Variants in FBN2 observed in about 807,000 individuals in gnomAD.
FBN2 encodes fibrillin-2.
A neutral mutation model predicts 355.6 loss-of-function variants in FBN2; 105 were observed. That is an observed-to-expected ratio of 0.30 (90% CI 0.25 to 0.35). The LOEUF is 0.35. Among genes scored for constraint, FBN2 ranks in the 10% least tolerant of loss-of-function variants. FBN2 has a pLI of 1.00. For synonymous variants in FBN2, 1,350 were observed against 1,301.2 expected (o/e 1.04, Z -0.81); for missense variants, 3,280 against 3,758.7 (o/e 0.87, Z 3.33).
intron 48 of FBN2, among the ~76,000 whole-genome samples, chr5:128,295,142 T>C (rs1749466354): frequency 2.7e-5 from 4 of 147,584 alleles, no homozygotes. Flanking sequence ...GATCAGATAG[T>C]TGTAGATATG....
intron 5 of FBN2, among the ~76,000 whole-genome samples, chr5:128,496,154 A>T (rs1755651211): frequency 6.6e-6 from 1 of 152,138 alleles, no homozygotes; most frequent in East Asian, 1.9e-4. Flanking sequence ...CAAAATAATA[A>T]GAGGAAAGAA....
In FBN2 at chr5:128,536,451, G is replaced by A. The variant is rs1225334344; in HGVS notation, c.288C>T (p.Tyr96=). Residue 96 remains tyrosine (Y), a synonymous_variant, in exon 2 of 65, where the codon TAC becomes TAT. Coordinates refer to ENST00000262464, the MANE Select transcript of FBN2 (RefSeq NM_001999.4). ...PNVCGSRFHS[Y]CCPGWKTLPG... is the part of the protein sequence containing the mutation. ...GGAGCGTCTTCCATCCAGGGCAGCA[G>A]TAGGAGTGGAATCTGGAGCCGCACA... The A allele has an allele frequency of 5.6e-6, 9 of 1,613,308 alleles. No homozygotes were observed. The highest frequency in any genetic ancestry group is 2.7e-5 in the African/African-American group (2 of 74,940).
chr5:128,494,994 G>T (rs1755616786), intron 5 of FBN2, among the ~76,000 whole-genome samples: 1 of 152,118 alleles, frequency 6.6e-6, no homozygotes, highest in Non-Finnish European at 1.5e-5. Flanking sequence ...ATACCTCAAA[G>T]CAGTCATTAT....
chr5:128,274,087 T>C (rs1033748249), intron 60 of FBN2, 119 bp from the exon 61 acceptor site: 1 of 1,159,422 alleles, frequency 8.6e-7, no homozygotes, highest in African/African-American at 1.5e-5. Context: ...AATGGCATTT[T>C]GGGAAAATTT....
At chr5:128,286,898 T>C (rs775404252) in intron 54 of FBN2, 49 bp from the exon 55 acceptor site, 5 of 1,578,130 alleles carry the variant, frequency 3.2e-6, no homozygotes, top group Admixed American at 1.7e-5. Context: ...AGCTGTAGTT[T>C]AGTACTTTTA....
chr5:128,444,645 G>C (rs1754019693), intron 7 of FBN2, among the ~76,000 whole-genome samples: 1 of 152,214 alleles, frequency 6.6e-6, no homozygotes. Flanking sequence ...GCTTTGGGTG[G>C]TGCCTACGTG....
At chr5:128,374,841 C>T (rs1752040633) in intron 14 of FBN2, 91 bp from the exon 15 acceptor site, 10 of 1,350,704 alleles carry the variant, frequency 7.4e-6, no homozygotes, top group Non-Finnish European at 1.0e-5. Context: ...ATACTACTAA[C>T]CTTTTGTTTA....
intron 10 of FBN2, 27 bp downstream of exon 10, chr5:128,393,104 TAAAG>T: frequency 6.6e-7 from 1 of 1,525,400 alleles, no homozygotes. Context: ...GGCAGGAAAC[TAAAG>T]AGTCCACAGG....
intron 34 of FBN2, among the ~76,000 whole-genome samples, chr5:128,319,525 T>G (rs1169626235): frequency 6.6e-6 from 1 of 151,866 alleles, no homozygotes; most frequent in African/African-American, 2.4e-5. Context: ...TTAAATAAAT[T>G]TAGTTAATTA....
intron 57 of FBN2, among the ~76,000 whole-genome samples, chr5:128,278,354 T>C (rs992941342): frequency 1.3e-5 from 2 of 152,210 alleles, no homozygotes; most frequent in African/African-American, 4.8e-5. Context: ...TATTGTTACC[T>C]TAGCTTTGTG....
intron 23 of FBN2, among the ~76,000 whole-genome samples, chr5:128,346,158 G>A (rs1384069139): frequency 1.3e-5 from 2 of 151,596 alleles, no homozygotes; most frequent in Non-Finnish European, 2.9e-5. Flanking sequence ...TTGTTTAAAT[G>A]TCACATTTTC....
At chr5:128,488,105 G>A (rs1755387147) in intron 5 of FBN2, among the ~76,000 whole-genome samples, 1 of 152,164 alleles carries the variant, frequency 6.6e-6, no homozygotes, top group Non-Finnish European at 1.5e-5. Flanking sequence ...AAATGTTTCA[G>A]TCATATTTAT....
intron 7 of FBN2, among the ~76,000 whole-genome samples, chr5:128,425,926 A>G (rs954468881): frequency 6.6e-6 from 1 of 152,158 alleles, no homozygotes; most frequent in African/African-American, 2.4e-5. Context: ...TATGTACCCT[A>G]TTTAAATTTA....
intron 7 of FBN2, among the ~76,000 whole-genome samples, chr5:128,438,813 C>A (rs1054296764): frequency 1.3e-5 from 2 of 152,080 alleles, no homozygotes; most frequent in Non-Finnish European, 2.9e-5. Flanking sequence ...ATAAGTAATA[C>A]ATTTACATGG....
At chr5:128,360,100 T>C (rs535172120) in intron 19 of FBN2, among the ~76,000 whole-genome samples, 36 of 152,108 alleles carry the variant, frequency 2.4e-4, no homozygotes, top group Non-Finnish European at 4.7e-4. Context: ...CGGAAGCTTA[T>C]CCTCCAACAG....
At chr5:128,329,756 C>A (rs1043778462) in intron 33 of FBN2, among the ~76,000 whole-genome samples, 1 of 152,052 alleles carries the variant, frequency 6.6e-6, no homozygotes, top group African/African-American at 2.4e-5. Flanking sequence ...TTTTTGATGT[C>A]CACAATTTGA....
At chr5:128,435,644 C>T (rs958084147) in intron 7 of FBN2, among the ~76,000 whole-genome samples, 1 of 152,110 alleles carries the variant, frequency 6.6e-6, no homozygotes, top group African/African-American at 2.4e-5. Context: ...CCCAAATGTT[C>T]TCTTCCCTCC....
At chr5:128,342,053 G>T (rs182658653) in intron 25 of FBN2, among the ~76,000 whole-genome samples, 3 of 152,220 alleles carry the variant, frequency 2.0e-5, no homozygotes, top group Non-Finnish European at 4.4e-5. Context: ...AAACTTTCCA[G>T]ATGGGAAGTT....
At chr5:128,363,397 C>T (rs1412033677) in intron 18 of FBN2, among the ~76,000 whole-genome samples, 1 of 152,062 alleles carries the variant, frequency 6.6e-6, no homozygotes, top group African/African-American at 2.4e-5. Context: ...ACCATGTTGG[C>T]CAGGCTGGTC....
Sources: allele counts gnomAD v4.1 joint callset (sites outside exome capture counted in the v4.1 genomes callset), GRCh38; gene constraint gnomAD v4.1.1; transcripts MANE v1.5; gene names NCBI Gene and HGNC (gene_info 2026-07-23, HGNC 2026-07-21).